The following PPP2R3A variants were observed in gnomAD, a reference collection of about 807,000 sequenced individuals.
PPP2R3A encodes the protein serine/threonine-protein phosphatase 2A regulatory subunit B'' subunit alpha.
Under a neutral mutation model 106.9 loss-of-function variants are expected in PPP2R3A, and 80 were observed. That is an observed-to-expected ratio of 0.75 (90% CI 0.62 to 0.90). PPP2R3A has a LOEUF of 0.90. Ranked by LOEUF, PPP2R3A falls within the 40% of genes least tolerant of loss-of-function variation. The pLI, the probability that PPP2R3A is intolerant of heterozygous loss-of-function variation, is 0.00. For missense variants in PPP2R3A, 1,386 were observed against 1,350.4 expected, an observed-to-expected ratio of 1.03 and a Z score of -0.41; for synonymous variants, 483 against 468.3, an observed-to-expected ratio of 1.03 and a Z score of -0.41.
At chr3:135,993,316 A>G (rs938113820) in intron 1 of PPP2R3A, among the ~76,000 whole-genome samples, 23 of 152,186 alleles carry the variant, frequency 1.5e-4, no homozygotes, top group Admixed American at 1.2e-3. Context: ...AAAATACTCA[A>G]CATCATTAGT....
At chr3:136,055,116 T>C (rs1220043014) in intron 5 of PPP2R3A, 4 of 637,408 alleles carry the variant, frequency 6.3e-6, no homozygotes, top group South Asian at 5.3e-5. Context: ...CTTTGCTTGC[T>C]ACAAGGCTTT....
At chr3:136,057,325 A>C (rs559573097) in intron 5 of PPP2R3A, among the ~76,000 whole-genome samples, 5 of 152,338 alleles carry the variant, frequency 3.3e-5, no homozygotes, top group Middle Eastern at 3.4e-3. Context: ...ATGGAATATT[A>C]GTCATAAAAA....
chr3:135,995,130 T>C lies in PPP2R3A; in HGVS notation c.-440-5929T>C, dbSNP rs80001060. On this transcript the variant is annotated intron_variant, in intron 1 of 13. Transcript: ENST00000264977. ...AATTAGGAAAACAGACTCTGGCCCT[T>C]TGTGGAGATGAAAGGACCAGCAGAG... Among the ~76,000 whole-genome samples the C allele has an allele frequency of 2.4e-3, 372 of 152,260 alleles. 11 individuals carry two copies. The East Asian group carries it at 0.061, about 25-fold the overall frequency.
chr3:136,068,441 C>A (rs1407855632), intron 5 of PPP2R3A, among the ~76,000 whole-genome samples: 1 of 152,254 alleles, frequency 6.6e-6, no homozygotes, highest in East Asian at 1.9e-4. Context: ...CTGCATGAAC[C>A]CAGGAGGTGG....
In PPP2R3A at chr3:136,026,093, A is replaced by T. The variant is rs539724408; in HGVS notation, c.1996-739A>T. ...GTATGCCACATCAAATCATTTTTTTAAAAGAAGAAGAATATAAACTGTAAA... is the reference window on the plus strand; with the variant it reads ...GTATGCCACATCAAATCATTTTTTTTAAAGAAGAAGAATATAAACTGTAAA... On this transcript the variant is annotated intron_variant, in intron 2 of 13. Coordinates refer to ENST00000264977, the MANE Select transcript of PPP2R3A (RefSeq NM_002718.5). Among the ~76,000 whole-genome samples, 21 of 152,194 alleles carry T rather than the reference A, an allele frequency of 1.4e-4. No individual in the cohort carries two copies. The East Asian group carries it at 3.7e-3, about 27-fold the overall frequency.
chr3:136,081,375 CT>C (rs1159589398), intron 7 of PPP2R3A, among the ~76,000 whole-genome samples: 7 of 151,764 alleles, frequency 4.6e-5, no homozygotes, highest in African/African-American at 1.5e-4. Flanking sequence ...GTTTGTCCAT[CT>C]TTTTTTTAAC....
At chr3:136,056,691 T>C (rs189072244) in intron 5 of PPP2R3A, among the ~76,000 whole-genome samples, 63 of 151,732 alleles carry the variant, frequency 4.2e-4, no homozygotes, top group Non-Finnish European at 5.9e-5. Flanking sequence ...TTTTTGGATA[T>C]GAACCCAAAA....
chr3:136,071,397 T>C (rs1390986910), intron 6 of PPP2R3A, among the ~76,000 whole-genome samples: 1 of 152,288 alleles, frequency 6.6e-6, no homozygotes, highest in Non-Finnish European at 1.5e-5. Flanking sequence ...TGCTTTTGCA[T>C]TGGCTCTCTT....
intron 13 of PPP2R3A, among the ~76,000 whole-genome samples, chr3:136,108,613 G>A (rs1937551833): frequency 1.3e-5 from 2 of 151,708 alleles, no homozygotes; most frequent in Non-Finnish European, 2.9e-5. Context: ...CCATATCCAG[G>A]AAATACTGAT....
At chr3:136,132,087 A>G (rs1235543803) in intron 13 of PPP2R3A, among the ~76,000 whole-genome samples, 1 of 152,134 alleles carries the variant, frequency 6.6e-6, no homozygotes, top group Non-Finnish European at 1.5e-5. Context: ...TGGCTGCAGC[A>G]AACCACCATG....
At chr3:136,071,154 A>G (rs922623580) in intron 6 of PPP2R3A, among the ~76,000 whole-genome samples, 9 of 152,326 alleles carry the variant, frequency 5.9e-5, no homozygotes, top group African/African-American at 2.2e-4. Context: ...CTCCCACATT[A>G]TCTTTGGAGA....
chr3:136,092,445 A>G (rs1937115897), intron 10 of PPP2R3A, among the ~76,000 whole-genome samples: 1 of 152,188 alleles, frequency 6.6e-6, no homozygotes, highest in Non-Finnish European at 1.5e-5. Context: ...ACAAAATATT[A>G]GTTAGTTTGA....
chr3:136,133,659 C>T (rs1042497243), intron 13 of PPP2R3A, among the ~76,000 whole-genome samples: 7 of 152,030 alleles, frequency 4.6e-5, no homozygotes, highest in African/African-American at 9.7e-5. Context: ...TTCATAACAG[C>T]ATTATTCCTA....
chr3:136,019,300 A>G (rs985348175), intron 2 of PPP2R3A, among the ~76,000 whole-genome samples: 1 of 152,212 alleles, frequency 6.6e-6, no homozygotes, highest in African/African-American at 2.4e-5. Context: ...TTTCCATTGT[A>G]ACTGCACACA....
chr3:135,966,388 C>T (rs1003435770), intron 1 of PPP2R3A, among the ~76,000 whole-genome samples: 1 of 152,168 alleles, frequency 6.6e-6, no homozygotes. Flanking sequence ...ACGGGATTCC[C>T]GGCCCGCCAG....
Position 136,002,476 on chromosome 3 carries a change from T to G in PPP2R3A, c.978T>G (p.Phe326Leu). The change falls in exon 2 of 14, where the codon TTT (phenylalanine) becomes TTG (leucine). Residue 326 changes from phenylalanine to leucine, a missense_variant. Coordinates refer to ENST00000264977, the MANE Select transcript of PPP2R3A (RefSeq NM_002718.5). ...SLQLTPFSPV[F>L]GTEQPPKYED... The stretch of plus-strand genomic sequence containing the variant: ...AACTGACTCCCTTCTCCCCAGTGTT[T>G]GGCACTGAACAACCCCCTAAATATG... 1 of 1,614,108 alleles carries G rather than the reference T, an allele frequency of 6.2e-7. No individual in the cohort carries two copies. Among genetic ancestry groups the G allele is most frequent in the East Asian group, 2.2e-5 (1 of 44,866 alleles).
intron 1 of PPP2R3A, among the ~76,000 whole-genome samples, chr3:135,989,857 A>G (rs145745661): frequency 6.6e-6 from 1 of 152,306 alleles, no homozygotes; most frequent in East Asian, 1.9e-4. Context: ...AATAAACTAT[A>G]ATCTTACTTT....
At chr3:135,992,038 C>T (rs1056182814) in intron 1 of PPP2R3A, among the ~76,000 whole-genome samples, 3 of 152,054 alleles carry the variant, frequency 2.0e-5, no homozygotes, top group Non-Finnish European at 4.4e-5. Context: ...ATTTTCTCAA[C>T]TATATTAATT....
At chr3:136,033,539 T>TA (rs1394674862) in intron 3 of PPP2R3A, among the ~76,000 whole-genome samples, 1 of 152,230 alleles carries the variant, frequency 6.6e-6, no homozygotes, top group Non-Finnish European at 1.5e-5. Context: ...TGGTAATTTT[T>TA]AAACTACCAT....
Sources: allele counts gnomAD v4.1 joint callset (sites outside exome capture counted in the v4.1 genomes callset), GRCh38; gene constraint gnomAD v4.1.1; transcripts MANE v1.5; gene names NCBI Gene and HGNC (gene_info 2026-07-23, HGNC 2026-07-21).